The following DLGAP2 variants were observed in gnomAD, a reference collection of about 807,000 sequenced individuals.
DLGAP2 encodes the protein disks large-associated protein 2.
In DLGAP2, 26 loss-of-function variants were observed where a neutral mutation model predicts 100.3. The observed-to-expected ratio is 0.26, with a 90% CI of 0.19 to 0.36. The LOEUF is 0.36. Among genes scored for constraint, DLGAP2 ranks in the 10% least tolerant of loss-of-function variants. The probability of loss-of-function intolerance (pLI) is 1.00; values close to 1 mark genes in which losing one functional copy is unlikely to be tolerated. For missense variants in DLGAP2, 1,858 were observed against 1,453.2 expected, an observed-to-expected ratio of 1.28 and a Z score of -4.53; for synonymous variants, 886 against 630.1, an observed-to-expected ratio of 1.41 and a Z score of -6.08.
intron 2 of DLGAP2, among the ~76,000 whole-genome samples, chr8:1,153,253 C>G (rs1796727240): frequency 6.6e-6 from 1 of 152,080 alleles, no homozygotes; most frequent in Admixed American, 6.5e-5. Context: ...TCTGAACATG[C>G]CCAGATAATT....
intron 2 of DLGAP2, among the ~76,000 whole-genome samples, chr8:1,057,974 A>G (rs1450125202): frequency 6.6e-6 from 1 of 152,204 alleles, no homozygotes; most frequent in Non-Finnish European, 1.5e-5. Context: ...GTTTTGCTTT[A>G]TTTGTGGCTC....
intron 2 of DLGAP2, among the ~76,000 whole-genome samples, chr8:1,116,109 G>A (rs574598908): frequency 6.6e-6 from 1 of 152,304 alleles, no homozygotes; most frequent in Admixed American, 6.5e-5. Flanking sequence ...GGGTGTCTGT[G>A]GTTTTGGAGA....
intron 2 of DLGAP2, among the ~76,000 whole-genome samples, chr8:912,793 C>G (rs1203192364): frequency 6.7e-6 from 1 of 149,164 alleles, no homozygotes; most frequent in Non-Finnish European, 1.5e-5. Flanking sequence ...CCACGTTCCT[C>G]TCTGTGGAGC....
In DLGAP2 at chr8:874,988, T is replaced by C. The variant is rs116299504; in HGVS notation, c.19-32924T>C. 5.2e-3 allele frequency among the ~76,000 whole-genome samples: 798 copies of C among 152,350 alleles called. 9 individuals are homozygous for C. The highest frequency in any genetic ancestry group is 0.018 in the African/African-American group (766 of 41,578). On this transcript the variant is annotated intron_variant, in intron 1 of 14. Coordinates refer to ENST00000637795, the MANE Select transcript of DLGAP2 (RefSeq NM_001346810.2). ...ATTGCTCCTGATGGGTTGTCTCTTT[T>C]ATAGTTAGTTCCTCTTTATCTGTAG...
intron 4 of DLGAP2, among the ~76,000 whole-genome samples, chr8:1,523,090 C>T (rs1451253465): frequency 1.3e-5 from 2 of 152,206 alleles, no homozygotes; most frequent in Non-Finnish European, 2.9e-5. Flanking sequence ...ACGGCACTGC[C>T]CGTGCGGCAT....
intron 3 of DLGAP2, among the ~76,000 whole-genome samples, chr8:1,436,936 A>C (rs1797650056): frequency 6.6e-6 from 1 of 152,282 alleles, no homozygotes; most frequent in Non-Finnish European, 1.5e-5. Context: ...TACAGTCTTC[A>C]GTGCAGTCAC....
At chr8:855,261 C>T (rs750948200) in intron 1 of DLGAP2, among the ~76,000 whole-genome samples, 8 of 152,086 alleles carry the variant, frequency 5.3e-5, no homozygotes, top group South Asian at 2.1e-4. Flanking sequence ...TTTTCAGAAC[C>T]GTGTATTCCC....
At chr8:1,337,212 T>G (rs77804597) in intron 3 of DLGAP2, among the ~76,000 whole-genome samples, 5 of 100,454 alleles carry the variant, frequency 5.0e-5, no homozygotes, top group African/African-American at 1.7e-4. Flanking sequence ...ATGATGGTGA[T>G]GATGATGAGG....
At chr8:931,436 C>T (rs1798954332) in intron 2 of DLGAP2, among the ~76,000 whole-genome samples, 2 of 152,186 alleles carry the variant, frequency 1.3e-5, no homozygotes, top group African/African-American at 4.8e-5. Context: ...AAAAAGCCGC[C>T]TGTGATTCCT....
At chr8:1,319,759 T>G (rs1379336068) in intron 3 of DLGAP2, among the ~76,000 whole-genome samples, 5 of 152,134 alleles carry the variant, frequency 3.3e-5, no homozygotes. Flanking sequence ...GGGGACAGTT[T>G]CCAGGCAGGG....
intron 2 of DLGAP2, among the ~76,000 whole-genome samples, chr8:1,144,833 T>A (rs1415377203): frequency 6.6e-6 from 1 of 151,962 alleles, no homozygotes; most frequent in Non-Finnish European, 1.5e-5. Context: ...AGACGGCCTG[T>A]ACCCACAGTC....
chr8:1,707,224 G>A lies in DLGAP2; in HGVS notation c.*5818G>A, dbSNP rs1656220906. 2 of 152,582 alleles carry A rather than the reference G, an allele frequency of 1.3e-5. No individual in the cohort carries two copies. The highest frequency in any genetic ancestry group is 2.9e-5 in the Non-Finnish European group (2 of 68,034). The allele number at this position is 152,582 out of a possible 1,614,324, so 9.5% of individuals were successfully genotyped here. ...CCAAGCTTTCACCTACTCAATGGAG[G>A]AGAGGTGATAATGAATGAAAAGATT... On this transcript the variant is annotated 3_prime_UTR_variant, in exon 15 of 15. Coordinates refer to ENST00000637795, the MANE Select transcript of DLGAP2 (RefSeq NM_001346810.2).
At chr8:1,329,135 T>A (rs76538074) in intron 3 of DLGAP2, among the ~76,000 whole-genome samples, 2 of 152,210 alleles carry the variant, frequency 1.3e-5, no homozygotes, top group African/African-American at 2.4e-5. Context: ...CAGATTCAAA[T>A]GTATGCACCA....
intron 6 of DLGAP2, among the ~76,000 whole-genome samples, chr8:1,587,583 T>C (rs6558487): frequency 0.25 from 37,515 of 152,196 alleles, 5,257 homozygotes; most frequent in East Asian, 0.49. Context: ...ATGATGCTTT[T>C]ATAGTCACTG....
chr8:1,689,953 G>C (rs1429876527), intron 12 of DLGAP2, among the ~76,000 whole-genome samples: 2 of 152,202 alleles, frequency 1.3e-5, no homozygotes. Flanking sequence ...GGGTGCACTG[G>C]TAAGAAATGG....
At chr8:1,617,488 C>A (rs1388391501) in intron 6 of DLGAP2, among the ~76,000 whole-genome samples, 1 of 152,170 alleles carries the variant, frequency 6.6e-6, no homozygotes, top group Non-Finnish European at 1.5e-5. Context: ...TGATGTTGAG[C>A]ATTTTTTCAT....
At chr8:855,843 A>G (rs796488620) in intron 1 of DLGAP2, among the ~76,000 whole-genome samples, 16 of 152,320 alleles carry the variant, frequency 1.1e-4, no homozygotes, top group African/African-American at 3.8e-4. Flanking sequence ...ATTTGAAAAA[A>G]TCCAATCCCA....
rs537545921 is a variant in DLGAP2 at position 1,149,184 on chromosome 8, T to G, written c.74-109667T>G. On this transcript the variant is annotated intron_variant, in intron 2 of 14. Transcript: ENST00000637795. ...GGTTTGAGATGGAGCCTCGCTCTGTTGCCCAGGCTGAAGTGCAGTGGCGCA... is the reference window on the plus strand; with the variant it reads ...GGTTTGAGATGGAGCCTCGCTCTGTGGCCCAGGCTGAAGTGCAGTGGCGCA... Among the ~76,000 whole-genome samples, 3 of 152,280 alleles carry G rather than the reference T, an allele frequency of 2.0e-5. No individual in the cohort carries two copies. The South Asian group carries it at 6.2e-4, about 32-fold the overall frequency.
At chr8:1,195,082 T>C (rs35574164) in intron 2 of DLGAP2, among the ~76,000 whole-genome samples, 42,857 of 152,274 alleles carry the variant, frequency 0.28, 6,835 homozygotes, top group African/African-American at 0.43. Flanking sequence ...CTCAAGCTCT[T>C]TCCAGGCCCC....
Sources: gnomAD v4.1 joint callset for allele counts (sites outside exome capture counted in the v4.1 genomes callset) on GRCh38, gnomAD v4.1.1 for gene constraint, MANE v1.5 for transcripts, NCBI Gene and HGNC (gene_info 2026-07-23, HGNC 2026-07-21) for gene names.